Variants in OLFM1 observed in about 807,000 individuals in gnomAD.
OLFM1 encodes the protein olfactomedin 1, also known as noelin.
OLFM1 carries 9 observed loss-of-function variants against 49.7 expected under a neutral mutation model. That is an observed-to-expected ratio of 0.18 (90% CI 0.11 to 0.32). The LOEUF (loss-of-function observed/expected upper bound fraction) is 0.32, where lower values mean the gene tolerates loss of function less well. OLFM1 is among the 10% of genes least tolerant of loss of function. OLFM1 has a pLI of 1.00. For synonymous variants in OLFM1, 240 were observed against 271.8 expected (o/e 0.88, Z 1.15); for missense variants, 369 against 661.8 (o/e 0.56, Z 4.85).
chr9:135,098,560 C>A lies in OLFM1; in HGVS notation c.676+55C>A. 1 of 1,508,270 alleles carries A rather than the reference C, an allele frequency of 6.6e-7. No individual in the cohort carries two copies. The highest frequency in any genetic ancestry group is 9.2e-7 in the Non-Finnish European group (1 of 1,087,808). 93.4% of individuals were successfully genotyped at this position (1,508,270 alleles called of 1,614,324 possible). A position where few individuals can be genotyped will look rare whatever the true frequency, so the allele number is the denominator to read the frequency against. On this transcript the variant is annotated intron_variant, in intron 4 of 5. Coordinates refer to ENST00000371793, the MANE Select transcript of OLFM1 (RefSeq NM_001282611.2). The surrounding 1 kb of genome is among the most constrained non-coding windows in gnomAD (Gnocchi z 5.6). Reference sequence around the variant, plus strand: ...CTGCACTGCCCACCTCCGGCACACGCACAGGCTTAGGGAGTGGTGCTGAAG... The same window carrying A: ...CTGCACTGCCCACCTCCGGCACACGAACAGGCTTAGGGAGTGGTGCTGAAG...
intron 2 of OLFM1, among the ~76,000 whole-genome samples, chr9:135,093,844 G>T (rs756858088): frequency 6.6e-6 from 1 of 152,242 alleles, no homozygotes; most frequent in Non-Finnish European, 1.5e-5. Flanking sequence ...CTTGTCCATG[G>T]CCAGAAAGGA....
chr9:135,115,290 G>A (rs1385635449), intron 5 of OLFM1, among the ~76,000 whole-genome samples: 1 of 152,210 alleles, frequency 6.6e-6, no homozygotes, highest in African/African-American at 2.4e-5. Context: ...CATCCAGGTT[G>A]CATCCTTCGG....
rs897177453 is a variant in OLFM1 at position 135,088,671 on chromosome 9, C to T, written c.150+532C>T. On this transcript the variant is annotated intron_variant, in intron 1 of 5. Coordinates refer to ENST00000371793, the MANE Select transcript of OLFM1 (RefSeq NM_001282611.2). This position sits in a 1 kb window ranked among gnomAD's most constrained non-coding sequence, Gnocchi z 4.8. ...CGGTGGGCTCCGGAGCTCCTGCCCG[C>T]GCCTGCATTCCCAAAGTCCCAAGGC... 1.3e-5 allele frequency among the ~76,000 whole-genome samples: 2 copies of T among 152,140 alleles called. No homozygotes were observed. Among genetic ancestry groups the T allele is most frequent in the African/African-American group, 4.8e-5 (2 of 41,446 alleles).
At chr9:135,099,541 G>A (rs1830843155) in intron 4 of OLFM1, among the ~76,000 whole-genome samples, 1 of 152,174 alleles carries the variant, frequency 6.6e-6, no homozygotes, top group African/African-American at 2.4e-5. Flanking sequence ...GGAAAGAAAA[G>A]AGTCAGCCAA....
At chr9:135,106,665 G>A (rs1202689293) in intron 4 of OLFM1, 84 bp from the exon 5 acceptor site, 1 of 996,694 alleles carries the variant, frequency 1.0e-6, no homozygotes, top group Non-Finnish European at 1.5e-6. Flanking sequence ...CATGGCACGT[G>A]TGCTCTGGGC....
At chr9:135,106,918 GC>G in intron 5 of OLFM1, 63 bp downstream of exon 5, 2 of 1,335,770 alleles carry the variant, frequency 1.5e-6, no homozygotes, top group African/African-American at 1.4e-5. Context: ...CACCTGGTGG[GC>G]CCCAGACATG....
rs899418482 is a variant in OLFM1, at chr9:135,087,824, G to A, written c.-166G>A. ...GCCCGGGGAAGGCGCGGCGATGGCC[G>A]GGGCGCGCGGGGCGGCGGCGGCGGC... On this transcript the variant is annotated 5_prime_UTR_variant, in exon 1 of 6. Transcript: ENST00000371793. 6 of 895,628 alleles carry A rather than the reference G, an allele frequency of 6.7e-6. No homozygotes were observed. The highest frequency in any genetic ancestry group is 1.8e-5 in the African/African-American group (1 of 54,910). 55.5% of individuals were successfully genotyped at this position (895,628 alleles called of 1,614,324 possible).
rs777336394 is a variant in OLFM1, at chr9:135,106,825, A to G, written c.753A>G (p.Thr251=). The part of the protein sequence containing the change: ...TSGSRFGSWM[T]DPLAPEGDNR... ...GCTCGAGGTTCGGATCCTGGATGAC[A>G]GACCCTCTCGCCCCTGAAGGCGATA... Residue 251 remains threonine, a synonymous_variant, in exon 5 of 6, where the codon ACA becomes ACG. Transcript: ENST00000371793. The G allele has an allele frequency of 4.3e-6, 7 of 1,612,480 alleles. No individual in the cohort carries two copies. The African/African-American group carries it at 6.7e-5, about 15-fold the overall frequency.
chr9:135,100,465 C>G (rs1319072459), intron 4 of OLFM1, among the ~76,000 whole-genome samples: 1 of 152,206 alleles, frequency 6.6e-6, no homozygotes, highest in Non-Finnish European at 1.5e-5. Flanking sequence ...CCCTCTTTCT[C>G]CCACCTTTGG....
At chr9:135,083,286 G>A (rs1360765171), upstream of OLFM1, among the ~76,000 whole-genome samples, 1 of 152,184 alleles carries the variant, frequency 6.6e-6, no homozygotes, top group East Asian at 1.9e-4. Flanking sequence ...GCAACTAAGG[G>A]AATACAGAGC....
intron 3 of OLFM1, chr9:135,097,642 G>A: frequency 1.3e-6 from 1 of 774,194 alleles, no homozygotes; most frequent in Non-Finnish European, 2.3e-6. Flanking sequence ...AACTCTTAAA[G>A]CAGTTTGTTT....
At chr9:135,114,085 G>A (rs1831061078) in intron 5 of OLFM1, among the ~76,000 whole-genome samples, 1 of 146,810 alleles carries the variant, frequency 6.8e-6, no homozygotes, top group Non-Finnish European at 1.5e-5. Flanking sequence ...ACTGGATTTA[G>A]GGCCCACCTT....
At chr9:135,112,077 G>A in intron 5 of OLFM1, among the ~76,000 whole-genome samples, 1 of 152,272 alleles carries the variant, frequency 6.6e-6, no homozygotes, top group East Asian at 1.9e-4. Flanking sequence ...TGCACAGGGG[G>A]CTCTCAGCAT....
At chr9:135,077,421 C>A in intron 1 of OLFM1, 1 of 693,044 alleles carries the variant, frequency 1.4e-6, no homozygotes, top group Non-Finnish European at 2.1e-6. Flanking sequence ...TTTAAAGATT[C>A]CCTGTTCTGG....
Position 135,120,468 on chromosome 9 carries a change from G to A in OLFM1, c.*290G>A, listed in dbSNP as rs146157263. The A allele has an allele frequency of 2.3e-4, 100 of 442,050 alleles. 2 individuals carry two copies. In the East Asian group the frequency reaches 4.1e-3, roughly 18 times the overall value. The allele number at this position is 442,050 out of a possible 1,614,324, so 27.4% of individuals were successfully genotyped here. A position where few individuals can be genotyped will look rare whatever the true frequency, so the allele number is the denominator to read the frequency against. On this transcript the variant is annotated 3_prime_UTR_variant, in exon 6 of 6. Transcript: ENST00000371793. ...TGGTCAAACAACATACTAAAGAGGCGAGGCAATGACTGTTGGCCAGTTCTC... is the reference window on the plus strand; with the variant it reads ...TGGTCAAACAACATACTAAAGAGGCAAGGCAATGACTGTTGGCCAGTTCTC...
chr9:135,086,494 G>C (rs1022592753), upstream of OLFM1: 10 of 388,888 alleles, frequency 2.6e-5, no homozygotes, highest in Admixed American at 2.9e-4. Flanking sequence ...CCGGCCCGGC[G>C]TCCGTCTTTC....
At chr9:135,084,339 ATCTC>A (rs751548198), upstream of OLFM1, among the ~76,000 whole-genome samples, 8 of 129,644 alleles carry the variant, frequency 6.2e-5, no homozygotes, top group East Asian at 6.8e-4. The surrounding 1 kb of genome is among the most constrained non-coding windows in gnomAD (Gnocchi z 4.6). Context: ...TCTGTCTCTC[ATCTC>A]TCTCTCTGTC....
At position 135,119,841 on chromosome 9, in the gene OLFM1, C is replaced by G; in HGVS notation, c.1121C>G (p.Ala374Gly). The change falls in exon 6 of 6, where the codon GCT (alanine) becomes GGT (glycine). Residue 374 changes from alanine to glycine, a missense_variant. By Grantham distance (60) the Ala-to-Gly change is moderately conservative (BLOSUM62 0). Coordinates refer to ENST00000371793, the MANE Select transcript of OLFM1 (RefSeq NM_001282611.2). ...LWAVYATNQN[A>G]GNIVVSRLDP... ...GCCGTGTACGCCACCAACCAGAACG[C>G]TGGCAACATCGTGGTCAGTAGGCTG... is the stretch of plus-strand genomic sequence containing the variant. 6.2e-7 allele frequency: 1 copy of G among 1,613,834 alleles called. No homozygotes were observed. The highest frequency in any genetic ancestry group is 8.5e-7 in the Non-Finnish European group (1 of 1,180,036).
intron 2 of OLFM1, among the ~76,000 whole-genome samples, chr9:135,091,459 TCA>T (rs1180352070): frequency 1.0e-4 from 14 of 135,544 alleles, no homozygotes; most frequent in Admixed American, 5.0e-4. Flanking sequence ...ACACACACAC[TCA>T]CACACAGTCA....
Sources: gnomAD v4.1 joint callset for allele counts (sites outside exome capture counted in the v4.1 genomes callset) on GRCh38, gnomAD v4.1.1 for gene constraint, Gnocchi (gnomAD v3.1) non-coding constraint, MANE v1.5 for transcripts, NCBI Gene and HGNC (gene_info 2026-07-23, HGNC 2026-07-21) for gene names.